Variants in CPNE5 observed in about 807,000 individuals in gnomAD.
CPNE5 encodes the protein copine 5.
A neutral mutation model predicts 81.1 loss-of-function variants in CPNE5; 42 were observed. That is an observed-to-expected ratio of 0.52 (90% CI 0.40 to 0.67). The LOEUF is 0.67. Ranked by LOEUF, CPNE5 falls within the 30% of genes least tolerant of loss-of-function variation. The probability of loss-of-function intolerance (pLI) is 0.00; values close to 1 mark genes in which losing one functional copy is unlikely to be tolerated. For synonymous variants in CPNE5, 313 were observed against 321.5 expected, an observed-to-expected ratio of 0.97 and a Z score of 0.28; for missense variants, 612 against 815.5, an observed-to-expected ratio of 0.75 and a Z score of 3.04.
rs138656586 is a variant in CPNE5, at chr6:36,746,525, G to A, written c.1071C>T (p.Asn357=). The change falls in exon 16 of 21, where the codon AAC becomes AAT. Residue 357 remains asparagine, a synonymous_variant. Transcript: ENST00000244751. This position sits in a 1 kb window ranked among gnomAD's most constrained non-coding sequence, Gnocchi z 4.5. The stretch of plus-strand genomic sequence containing the variant: ...CGGCAGTCAGCGCCAGCGCGTAGGC[G>A]TTCAGCTGGTAGGGGCTCATGTAGT... ...SLHYMSPYQL[N]AYALALTAVG... The A allele has an allele frequency of 1.6e-5, 26 of 1,613,708 alleles. No homozygotes were observed. Among genetic ancestry groups the A allele is most frequent in the South Asian group, 8.8e-5 (8 of 91,062 alleles).
intron 10 of CPNE5, among the ~76,000 whole-genome samples, chr6:36,771,398 C>T (rs1353628600): frequency 6.6e-6 from 1 of 152,222 alleles, no homozygotes; most frequent in East Asian, 1.9e-4. Flanking sequence ...CTCAGGGCCT[C>T]TCTGTCTCCT....
intron 11 of CPNE5, among the ~76,000 whole-genome samples, chr6:36,763,839 T>C (rs1007042072): frequency 6.6e-6 from 1 of 151,476 alleles, no homozygotes; most frequent in African/African-American, 2.4e-5. Flanking sequence ...TCTAATGAGA[T>C]TATTTTTAAA....
chr6:36,834,844 C>T (rs1441375274), intron 1 of CPNE5, among the ~76,000 whole-genome samples: 2 of 152,100 alleles, frequency 1.3e-5, no homozygotes, highest in African/African-American at 2.4e-5. Flanking sequence ...TTGACAGCTG[C>T]CGCCCTCCCC....
chr6:36,757,453 C>T, intron 12 of CPNE5: 1 of 827,876 alleles, frequency 1.2e-6, no homozygotes, highest in Non-Finnish European at 1.5e-6. Context: ...GGTGATTTGC[C>T]TAAAGTCACA....
intron 14 of CPNE5, among the ~76,000 whole-genome samples, chr6:36,750,610 G>A (rs1347147924): frequency 6.6e-6 from 1 of 152,192 alleles, no homozygotes; most frequent in East Asian, 1.9e-4. Context: ...TTGAGGTTAG[G>A]GAATTATGTG....
At chr6:36,826,878 C>T (rs35201827) in intron 1 of CPNE5, among the ~76,000 whole-genome samples, 16,506 of 152,158 alleles carry the variant, frequency 0.11, 1,100 homozygotes, top group East Asian at 0.23. Flanking sequence ...CTCAGTTTCC[C>T]CATCTGTAAA....
In CPNE5 at chr6:36,747,576, TA is replaced by T. The variant is rs368387464; in HGVS notation, c.1018+644del. On this transcript the variant is annotated intron_variant, in intron 15 of 20. Coordinates refer to ENST00000244751, the MANE Select transcript of CPNE5 (RefSeq NM_020939.2). ...TCTATGATGCTAGGACTTACAGCTA[TA>T]AGAGGAGCTCCTGACACCTGTAGAG... Among the ~76,000 whole-genome samples, 56 of 152,322 alleles carry T rather than the reference TA, an allele frequency of 3.7e-4. No homozygotes were observed. The East Asian group carries it at 5.0e-3, about 14-fold the overall frequency.
chr6:36,752,327 G>A (rs58298156), intron 14 of CPNE5, among the ~76,000 whole-genome samples: 10,335 of 152,202 alleles, frequency 0.068, 434 homozygotes, highest in Middle Eastern at 0.12. Context: ...GGCTCTTTCC[G>A]TGAGCTGCTG....
At chr6:36,797,014 C>T (rs1419436094) in intron 6 of CPNE5, among the ~76,000 whole-genome samples, 4 of 152,186 alleles carry the variant, frequency 2.6e-5, no homozygotes, top group Non-Finnish European at 1.5e-5. Context: ...AAGTGATTCT[C>T]GTGCCTCAGC....
In CPNE5 at chr6:36,833,596, G is replaced by T. The variant is rs115945421; in HGVS notation, c.95+5687C>A. ...AGGGGGCCATGTGGCAAGGGCCTGG[G>T]GGTGGACTCTAGGAGCTGAGAGTCA... On this transcript the variant is annotated intron_variant, in intron 1 of 20. Coordinates refer to ENST00000244751, the MANE Select transcript of CPNE5 (RefSeq NM_020939.2). 7.3e-3 allele frequency among the ~76,000 whole-genome samples: 1,105 copies of T among 152,310 alleles called. 8 individuals carry two copies. The highest frequency in any genetic ancestry group is 0.011 in the Non-Finnish European group (732 of 68,028).
intron 1 of CPNE5, chr6:36,838,624 T>A: frequency 3.4e-6 from 1 of 296,818 alleles, no homozygotes; most frequent in Non-Finnish European, 5.0e-6. Flanking sequence ...GTTCTATTCC[T>A]TTGGCTTAAG....
intron 13 of CPNE5, among the ~76,000 whole-genome samples, chr6:36,753,412 C>T (rs1349296233): frequency 6.6e-6 from 1 of 152,194 alleles, no homozygotes; most frequent in African/African-American, 2.4e-5. Context: ...TCAGTGGAAC[C>T]GGGGTCCAAG....
chr6:36,777,893 A>T (rs1767692946), intron 9 of CPNE5, among the ~76,000 whole-genome samples: 3 of 150,534 alleles, frequency 2.0e-5, no homozygotes, highest in African/African-American at 7.4e-5. Flanking sequence ...CTAGCCCTTT[A>T]TTCTTCCCTG....
intron 3 of CPNE5, among the ~76,000 whole-genome samples, chr6:36,810,955 T>G (rs894745538): frequency 2.0e-5 from 3 of 152,136 alleles, no homozygotes; most frequent in African/African-American, 4.8e-5. Context: ...CCTCCCTATC[T>G]CGCCCAGAGA....
At chr6:36,764,544 G>A (rs960910821) in intron 11 of CPNE5, among the ~76,000 whole-genome samples, 5 of 152,196 alleles carry the variant, frequency 3.3e-5, no homozygotes, top group East Asian at 1.9e-4. Context: ...GAATGGAAAT[G>A]TCACAAAAGT....
At chr6:36,815,999 G>A (rs1404520194) in intron 3 of CPNE5, among the ~76,000 whole-genome samples, 1 of 152,196 alleles carries the variant, frequency 6.6e-6, no homozygotes, top group African/African-American at 2.4e-5. Context: ...AAACCTAGAG[G>A]GGTTCCCTAT....
At chr6:36,773,124 A>G (rs781131269) in intron 10 of CPNE5, among the ~76,000 whole-genome samples, 3 of 152,100 alleles carry the variant, frequency 2.0e-5, no homozygotes, top group Non-Finnish European at 4.4e-5. Flanking sequence ...ATTCAAGCCC[A>G]TCTCAGCCTC....
intron 8 of CPNE5, among the ~76,000 whole-genome samples, chr6:36,784,156 G>A (rs1198077563): frequency 2.0e-5 from 3 of 152,256 alleles, no homozygotes; most frequent in South Asian, 2.1e-4. Flanking sequence ...TGGCAGATAA[G>A]TGAGGCATTG....
At chr6:36,832,352 C>T (rs931468704) in intron 1 of CPNE5, among the ~76,000 whole-genome samples, 13 of 152,306 alleles carry the variant, frequency 8.5e-5, no homozygotes, top group African/African-American at 1.7e-4. Flanking sequence ...CCCTGAAATC[C>T]GGGAAGATGG....
Sources: allele counts gnomAD v4.1 joint callset (sites outside exome capture counted in the v4.1 genomes callset), GRCh38; gene constraint gnomAD v4.1.1; non-coding constraint Gnocchi (gnomAD v3.1); transcripts MANE v1.5; gene names NCBI Gene and HGNC (gene_info 2026-07-23, HGNC 2026-07-21).